MAPRE2: variants seen among roughly 807,000 people sequenced by gnomAD.
The protein encoded by MAPRE2 is microtubule-associated protein RP/EB family member 2.
In MAPRE2, 13 loss-of-function variants were observed where a neutral mutation model predicts 43.2. That is an observed-to-expected ratio of 0.30 (90% confidence interval 0.20 to 0.48). The LOEUF (loss-of-function observed/expected upper bound fraction) is 0.48. Among genes scored for constraint, MAPRE2 ranks in the 20% least tolerant of loss-of-function variants. MAPRE2 has a pLI of 0.99. For synonymous variants in MAPRE2, 135 were observed against 148.8 expected (o/e 0.91, Z 0.68); for missense variants, 161 against 400.2 (o/e 0.40, Z 5.10).
Position 34,996,452 on chromosome 18 carries a change from G to C in MAPRE2, c.-69-9040G>C, listed in dbSNP as rs1603388065. Among the ~76,000 whole-genome samples the C allele has an allele frequency of 2.0e-5, 3 of 152,146 alleles. No homozygotes were observed. In the East Asian group the frequency reaches 5.8e-4, roughly 29 times the overall value. On this transcript the variant is annotated intron_variant, in intron 1 of 7. Coordinates refer to the MAPRE2 transcript ENST00000413393. ...ATCTGACAGGAGGCAGAGCTTAAGT[G>C]GTTACCCAACTAGACTTAAGTCCTG...
At position 35,127,048 on chromosome 18, in the gene MAPRE2, T is replaced by C. The variant is rs1603403787; in HGVS notation, c.711T>C (p.Asp237=). The C allele has an allele frequency of 6.2e-7, 1 of 1,614,032 alleles. No individual in the cohort carries two copies. Among genetic ancestry groups the C allele is most frequent in the Non-Finnish European group, 8.5e-7 (1 of 1,179,988 alleles). Residue 237 remains aspartate (D), a synonymous_variant, in exon 5 of 7, where the codon GAT becomes GAC. Transcript: ENST00000300249. ...ASSSGSASKS[D]KDLETQVIQL... ...CCAGTGGCTCAGCATCCAAATCCGA[T>C]AAAGATTTAGAAACGCAGGTCATAC...
At chr18:35,005,389 A>G (rs1002336802) in intron 1 of MAPRE2, 85 of 605,730 alleles carry the variant, frequency 1.4e-4, no homozygotes, top group Middle Eastern at 2.9e-4. Flanking sequence ...AATTTTTTCC[A>G]TTGCTGGCCA....
intron 3 of MAPRE2, among the ~76,000 whole-genome samples, chr18:35,101,712 C>T (rs1427684298): frequency 1.3e-5 from 2 of 152,162 alleles, no homozygotes; most frequent in Non-Finnish European, 2.9e-5. Flanking sequence ...TTGCAAATGA[C>T]TGCGACTCAT....
intron 4 of MAPRE2, among the ~76,000 whole-genome samples, chr18:35,112,165 T>G (rs564498262): frequency 2.4e-4 from 37 of 152,094 alleles, no homozygotes; most frequent in African/African-American, 8.2e-4. Context: ...CACTGTTTCT[T>G]TCTTTCTTTC....
intron 6 of MAPRE2, among the ~76,000 whole-genome samples, chr18:35,134,611 T>C (rs1374049811): frequency 6.6e-6 from 1 of 152,178 alleles, no homozygotes; most frequent in Non-Finnish European, 1.5e-5. Context: ...AACATAGTAC[T>C]AGTTGGGGAA....
chr18:35,023,963 C>T (rs273344), intron 2 of MAPRE2, among the ~76,000 whole-genome samples: 85,889 of 151,970 alleles, frequency 0.57, 25,172 homozygotes, highest in East Asian at 0.71. Context: ...AAGAATATGA[C>T]AACCTAAATT....
upstream of MAPRE2, among the ~76,000 whole-genome samples, chr18:35,039,672 A>C (rs1390488438): frequency 6.6e-6 from 1 of 152,250 alleles, no homozygotes; most frequent in Non-Finnish European, 1.5e-5. Flanking sequence ...GAAACTTGAT[A>C]CCAGAAATAA....
intron 1 of MAPRE2, among the ~76,000 whole-genome samples, chr18:35,054,206 A>T (rs557119868): frequency 2.0e-4 from 30 of 152,288 alleles, no homozygotes; most frequent in African/African-American, 7.0e-4. Context: ...GGGAAACAAA[A>T]GCTTAGTAAG....
intron 1 of MAPRE2, among the ~76,000 whole-genome samples, chr18:34,993,122 A>G (rs2097024620): frequency 6.6e-6 from 1 of 152,138 alleles, no homozygotes; most frequent in Non-Finnish European, 1.5e-5. Context: ...TGAATGAATG[A>G]GTGAGACAGG....
intron 2 of MAPRE2, among the ~76,000 whole-genome samples, chr18:35,027,416 T>A (rs1378507413): frequency 6.6e-6 from 1 of 152,144 alleles, no homozygotes; most frequent in African/African-American, 2.4e-5. Flanking sequence ...CCAGGCCACA[T>A]GGGGAAGCCT....
intron 1 of MAPRE2, among the ~76,000 whole-genome samples, chr18:35,047,973 AAAATGACCATGCTGGAAGAATCTG>A (rs2150602920): frequency 6.6e-6 from 1 of 152,328 alleles, no homozygotes; most frequent in Admixed American, 6.5e-5. Context: ...TCCAGCAGGT[AAAATGACCATGCTGGAAGAATCTG>A]ATTTTAGCAA....
chr18:35,060,337 C>T (rs1906461352), intron 1 of MAPRE2, among the ~76,000 whole-genome samples: 1 of 152,072 alleles, frequency 6.6e-6, no homozygotes, highest in African/African-American at 2.4e-5. Context: ...CCTGAGGAGA[C>T]CAGCCAAGCC....
intron 2 of MAPRE2, among the ~76,000 whole-genome samples, chr18:35,030,060 A>C (rs1402124313): frequency 6.6e-6 from 1 of 152,248 alleles, no homozygotes; most frequent in Non-Finnish European, 1.5e-5. Flanking sequence ...TATAAGGACA[A>C]GAAAATTATT....
chr18:34,985,262 T>A (rs1568961382), intron 1 of MAPRE2, among the ~76,000 whole-genome samples: 1 of 50,668 alleles, frequency 2.0e-5, no homozygotes, highest in African/African-American at 8.1e-5. Context: ...TATAATATAA[T>A]ATATTATATA....
At chr18:34,985,277 A>T (rs1465088867) in intron 1 of MAPRE2, among the ~76,000 whole-genome samples, 9 of 41,188 alleles carry the variant, frequency 2.2e-4, no homozygotes, top group South Asian at 1.6e-3. Context: ...TATATAATAT[A>T]ATATATTATA....
At chr18:35,108,219 G>A (rs1005290328) in intron 4 of MAPRE2, among the ~76,000 whole-genome samples, 2 of 152,158 alleles carry the variant, frequency 1.3e-5, no homozygotes, top group Admixed American at 6.5e-5. Context: ...AGAACATGCA[G>A]TGTTTGGTTT....
chr18:35,096,935 A>G (rs569823655), intron 2 of MAPRE2, among the ~76,000 whole-genome samples: 1 of 152,328 alleles, frequency 6.6e-6, no homozygotes, highest in Admixed American at 6.5e-5. Context: ...TGTAAATACC[A>G]CAGCTATAGA....
chr18:35,134,956 A>C (rs1910323684), intron 6 of MAPRE2, among the ~76,000 whole-genome samples: 1 of 152,164 alleles, frequency 6.6e-6, no homozygotes, highest in East Asian at 1.9e-4. Context: ...TTGCCCTGTA[A>C]GTATATGCTG....
At chr18:35,088,421 A>G (rs1351460598) in intron 2 of MAPRE2, among the ~76,000 whole-genome samples, 1 of 152,214 alleles carries the variant, frequency 6.6e-6, no homozygotes, top group Non-Finnish European at 1.5e-5. Context: ...CAAGGGAGAA[A>G]TAGACAGAGG....
Sources: gnomAD v4.1 joint callset for allele counts (sites outside exome capture counted in the v4.1 genomes callset) on GRCh38, gnomAD v4.1.1 for gene constraint, MANE v1.5 for transcripts, NCBI Gene and HGNC (gene_info 2026-07-23, HGNC 2026-07-21) for gene names.